MRPL1: variants seen among roughly 807,000 people sequenced by gnomAD.
The protein encoded by MRPL1 is large ribosomal subunit protein uL1m.
In MRPL1, 28 loss-of-function variants were observed where a neutral mutation model predicts 38.0. That is an observed-to-expected ratio of 0.74 (90% confidence interval 0.55 to 1.01). The LOEUF (loss-of-function observed/expected upper bound fraction) is 1.01, where lower values mean the gene tolerates loss of function less well. Ranked by LOEUF, MRPL1 falls within the 50% of genes least tolerant of loss-of-function variation. MRPL1 has a pLI of 0.00. For synonymous variants in MRPL1, 123 were observed against 126.7 expected, an observed-to-expected ratio of 0.97 and a Z score of 0.20; for missense variants, 358 against 389.8, an observed-to-expected ratio of 0.92 and a Z score of 0.69.
chr4:77,926,768 C>G (rs1415938350), intron 7 of MRPL1, among the ~76,000 whole-genome samples: 2 of 151,852 alleles, frequency 1.3e-5, no homozygotes, highest in Non-Finnish European at 2.9e-5. Flanking sequence ...GCCACCGTGC[C>G]CAGCTAATTT....
At chr4:77,887,329 G>T in intron 5 of MRPL1, 38 bp downstream of exon 5, 1 of 1,467,294 alleles carries the variant, frequency 6.8e-7, no homozygotes, top group Non-Finnish European at 9.6e-7. Context: ...GTATAGAGAT[G>T]ATTCTGTTAT....
At position 77,871,308 on chromosome 4, in the gene MRPL1, C is replaced by CT. The variant is rs11327498; in HGVS notation, c.32-422dup. Among the ~76,000 whole-genome samples, 139 of 143,988 alleles carry CT rather than the reference C, an allele frequency of 9.7e-4. 1 individual carries two copies. The highest frequency in any genetic ancestry group is 9.1e-4 in the Non-Finnish European group (60 of 65,656). 94.5% of individuals were successfully genotyped at this position (143,988 alleles called of 152,430 possible). A position where few individuals can be genotyped will look rare whatever the true frequency, so the allele number is the denominator to read the frequency against. The stretch of plus-strand genomic sequence containing the variant: ...AAGAACTGTGGTTTCTATTATTACA[C>CT]TTTTTTTTTTTTTTGAGATGGAGTA... On this transcript the variant is annotated intron_variant, in intron 1 of 8. Coordinates refer to ENST00000315567, the MANE Select transcript of MRPL1 (RefSeq NM_020236.4).
intron 2 of MRPL1, among the ~76,000 whole-genome samples, chr4:77,872,649 A>C (rs1006392467): frequency 1.1e-4 from 17 of 152,208 alleles, no homozygotes; most frequent in Admixed American, 8.5e-4. Flanking sequence ...TGGATCACGA[A>C]GTCGGCAGTT....
chr4:77,928,619 T>C (rs1047696492), intron 7 of MRPL1, among the ~76,000 whole-genome samples: 2 of 152,130 alleles, frequency 1.3e-5, no homozygotes, highest in Admixed American at 6.5e-5. Context: ...AGATCTTAGA[T>C]CTCCAAGGAT....
chr4:77,869,571 TTGC>T (rs768180092), intron 1 of MRPL1, among the ~76,000 whole-genome samples: 3 of 149,134 alleles, frequency 2.0e-5, no homozygotes, highest in Admixed American at 6.6e-5. Context: ...GCTTGCTTGC[TTGC>T]TTTTTGTTGT....
intron 7 of MRPL1, among the ~76,000 whole-genome samples, chr4:77,918,550 C>G (rs909643930): frequency 6.6e-6 from 1 of 152,110 alleles, no homozygotes; most frequent in African/African-American, 2.4e-5. Flanking sequence ...GCTCTCATCA[C>G]TTTTGCCCCA....
chr4:77,875,243 A>T (rs1386277245), intron 2 of MRPL1, among the ~76,000 whole-genome samples: 1 of 152,226 alleles, frequency 6.6e-6, no homozygotes, highest in Non-Finnish European at 1.5e-5. Context: ...TCTGATTAGT[A>T]TGACTGTTTT....
chr4:77,927,062 T>C (rs575736605), intron 7 of MRPL1, among the ~76,000 whole-genome samples: 76 of 152,320 alleles, frequency 5.0e-4, no homozygotes, highest in African/African-American at 1.8e-3. Flanking sequence ...TCCCACTCTT[T>C]TATACTTTTC....
At chr4:77,920,909 G>A (rs544080050) in intron 7 of MRPL1, among the ~76,000 whole-genome samples, 2 of 152,080 alleles carry the variant, frequency 1.3e-5, no homozygotes, top group African/African-American at 2.4e-5. Flanking sequence ...GATTACAGGC[G>A]CCTGGCACCA....
At chr4:77,891,827 T>C (rs993204299) in intron 5 of MRPL1, among the ~76,000 whole-genome samples, 3 of 152,160 alleles carry the variant, frequency 2.0e-5, no homozygotes, top group South Asian at 2.1e-4. Flanking sequence ...TTCTGTAGTA[T>C]AGAAAATATT....
chr4:77,909,366 A>AAGTTACAAT lies in MRPL1; in HGVS notation c.771_772insAGTTACAAT (p.Ile257_Ala258insSerTyrAsn), dbSNP rs1228361703. ...GGGAGAACTTTCTCCAGACCAAAAT[A>AAGTTACAAT]GCAACAGTAAGTTACAATGAAAATT... is the stretch of plus-strand genomic sequence containing the variant. On this transcript the variant is annotated inframe_insertion, in exon 7 of 9. Transcript: ENST00000315567. 6 of 1,530,744 alleles carry AAGTTACAAT rather than the reference A, an allele frequency of 3.9e-6. No individual in the cohort carries two copies. Among genetic ancestry groups the AAGTTACAAT allele is most frequent in the Non-Finnish European group, 5.4e-6 (6 of 1,109,514 alleles). The allele number at this position is 1,530,744 out of a possible 1,614,324, so 94.8% of individuals were successfully genotyped here.
rs1265756950 is a variant in MRPL1 at position 77,952,625 on chromosome 4, AT to A, written c.*20del. ...ATGCCTAAATGTGGTGAATTGTGAAATTACTTTCAGTGGTTTAAGAAGCAAT... is the reference window on the plus strand; with the variant it reads ...ATGCCTAAATGTGGTGAATTGTGAAATACTTTCAGTGGTTTAAGAAGCAAT... On this transcript the variant is annotated 3_prime_UTR_variant, in exon 9 of 9. Coordinates refer to ENST00000315567, the MANE Select transcript of MRPL1 (RefSeq NM_020236.4). 1.3e-6 allele frequency: 2 copies of A among 1,496,878 alleles called. No homozygotes were observed. The highest frequency in any genetic ancestry group is 2.8e-5 in the African/African-American group (2 of 72,172). The allele number at this position is 1,496,878 out of a possible 1,614,324, so 92.7% of individuals were successfully genotyped here. A position where few individuals can be genotyped will look rare whatever the true frequency, so the allele number is the denominator to read the frequency against.
intron 6 of MRPL1, among the ~76,000 whole-genome samples, chr4:77,902,453 C>A (rs1352244996): frequency 6.8e-6 from 1 of 147,174 alleles, no homozygotes; most frequent in African/African-American, 2.5e-5. Flanking sequence ...AGATTTTTAT[C>A]TTATAAACCT....
At chr4:77,903,130 A>G (rs1736071921) in intron 6 of MRPL1, among the ~76,000 whole-genome samples, 1 of 152,172 alleles carries the variant, frequency 6.6e-6, no homozygotes, top group South Asian at 2.1e-4. Flanking sequence ...GAATCCAGCA[A>G]TATATATGTA....
intron 2 of MRPL1, 69 bp from the exon 3 acceptor site, chr4:77,883,173 C>T: frequency 9.6e-7 from 1 of 1,037,108 alleles, no homozygotes; most frequent in Non-Finnish European, 1.3e-6. Flanking sequence ...CTTATGTACA[C>T]TGGCTTTTTT....
rs770606314 is a variant in MRPL1 at position 77,867,905 on chromosome 4, C to T, written c.32-3839C>T. 6.0e-5 allele frequency among the ~76,000 whole-genome samples: 9 copies of T among 150,244 alleles called. 1 individual carries two copies. Among genetic ancestry groups the T allele is most frequent in the South Asian group, 4.2e-4 (2 of 4,738 alleles). On this transcript the variant is annotated intron_variant, in intron 1 of 8. Transcript: ENST00000315567. ...CCGAGTAGCTGAGACTATAGGCGCC[C>T]GCCACCATGCCTGGCTAATTTTTTG... is the stretch of plus-strand genomic sequence containing the variant.
chr4:77,884,999 G>T lies in MRPL1; in HGVS notation c.403-257G>T, dbSNP rs115589455. The stretch of plus-strand genomic sequence containing the variant: ...ATGGGATTATGAAGCTGGAAAAAGA[G>T]ATTTTAGTTTTTTATTCTCAAAAAA... On this transcript the variant is annotated intron_variant, in intron 3 of 8. Coordinates refer to ENST00000315567, the MANE Select transcript of MRPL1 (RefSeq NM_020236.4). 9.7e-3 allele frequency among the ~76,000 whole-genome samples: 1,480 copies of T among 152,200 alleles called. 25 individuals carry two copies. The highest frequency in any genetic ancestry group is 0.033 in the African/African-American group (1,354 of 41,508).
chr4:77,886,586 G>A (rs899774812), intron 4 of MRPL1, among the ~76,000 whole-genome samples: 6 of 151,856 alleles, frequency 4.0e-5, no homozygotes, highest in Non-Finnish European at 8.8e-5. Flanking sequence ...GCCTGCCTTG[G>A]CCTCTCAAAG....
intron 7 of MRPL1, among the ~76,000 whole-genome samples, chr4:77,914,585 T>C (rs771618185): frequency 2.6e-4 from 39 of 152,212 alleles, no homozygotes; most frequent in Non-Finnish European, 7.3e-5. Flanking sequence ...AATTGTTTCG[T>C]AAATTTTATT....
Sources: gnomAD v4.1 joint callset for allele counts (sites outside exome capture counted in the v4.1 genomes callset) on GRCh38, gnomAD v4.1.1 for gene constraint, MANE v1.5 for transcripts, NCBI Gene and HGNC (gene_info 2026-07-23, HGNC 2026-07-21) for gene names.